The following SLC4A7 variants were observed in gnomAD, a reference collection of about 807,000 sequenced individuals.
The protein encoded by SLC4A7 is solute carrier family 4 member 7.
A neutral mutation model predicts 137.6 loss-of-function variants in SLC4A7; 51 were observed. That is an observed-to-expected ratio of 0.37 (90% CI 0.30 to 0.47). The LOEUF is 0.47. Among genes scored for constraint, SLC4A7 ranks in the 20% least tolerant of loss-of-function variants. The probability of loss-of-function intolerance (pLI) is 1.00; values close to 1 mark genes in which losing one functional copy is unlikely to be tolerated. For synonymous variants in SLC4A7, 542 were observed against 518.6 expected, an observed-to-expected ratio of 1.05 and a Z score of -0.61; for missense variants, 1,247 against 1,525.4, an observed-to-expected ratio of 0.82 and a Z score of 3.04.
At chr3:27,450,148 T>C (rs999457332) in intron 2 of SLC4A7, among the ~76,000 whole-genome samples, 1 of 152,166 alleles carries the variant, frequency 6.6e-6, no homozygotes, top group African/African-American at 2.4e-5. Flanking sequence ...ACCTCATAAA[T>C]AATCACCTTT....
At chr3:27,438,674 A>AC (rs2056951448) in intron 3 of SLC4A7, among the ~76,000 whole-genome samples, 1 of 151,232 alleles carries the variant, frequency 6.6e-6, no homozygotes, top group African/African-American at 2.4e-5. Flanking sequence ...ACATAAAATA[A>AC]AAATAACACA....
intron 13 of SLC4A7, among the ~76,000 whole-genome samples, chr3:27,408,596 A>C (rs1280136429): frequency 6.6e-6 from 1 of 152,216 alleles, no homozygotes; most frequent in African/African-American, 2.4e-5. Flanking sequence ...TGTTCTCCCA[A>C]GAATAAATAC....
intron 3 of SLC4A7, among the ~76,000 whole-genome samples, chr3:27,447,066 T>C (rs1238958951): frequency 6.6e-6 from 1 of 150,644 alleles, no homozygotes; most frequent in Non-Finnish European, 1.5e-5. Flanking sequence ...TTTTTTTTTT[T>C]CAGTAGAGAC....
intron 1 of SLC4A7, among the ~76,000 whole-genome samples, chr3:27,462,991 A>G (rs1417147453): frequency 6.6e-6 from 1 of 152,246 alleles, no homozygotes; most frequent in Non-Finnish European, 1.5e-5. Flanking sequence ...TGTCGGTAAA[A>G]TATTAAGAAA....
chr3:27,440,629 G>T (rs1032686908), intron 3 of SLC4A7, among the ~76,000 whole-genome samples: 1 of 152,086 alleles, frequency 6.6e-6, no homozygotes, highest in Non-Finnish European at 1.5e-5. Flanking sequence ...TCAGGAGGCT[G>T]AGGCAGGAGA....
chr3:27,445,513 T>C (rs925972912), intron 3 of SLC4A7, among the ~76,000 whole-genome samples: 1 of 152,116 alleles, frequency 6.6e-6, no homozygotes, highest in African/African-American at 2.4e-5. Flanking sequence ...GTTTCATATA[T>C]TTTATCTGGT....
intron 25 of SLC4A7, 108 bp from the exon 26 acceptor site, chr3:27,376,953 A>G (rs2049949997): frequency 2.4e-6 from 1 of 412,606 alleles, no homozygotes; most frequent in East Asian, 4.0e-5. Flanking sequence ...TATTAACACT[A>G]CAAACTTATG....
chr3:27,384,454 C>A (rs2050734987), intron 23 of SLC4A7, among the ~76,000 whole-genome samples: 1 of 152,074 alleles, frequency 6.6e-6, no homozygotes, highest in African/African-American at 2.4e-5. Context: ...AACAAGGAGC[C>A]CCTGATAACT....
Position 27,385,996 on chromosome 3 carries a change from G to C in SLC4A7, c.3388C>G (p.Leu1130Val). The change falls in exon 23 of 26, where the codon CTC becomes GTC. Residue 1130 changes from leucine to valine, a missense_variant. Physicochemically the swap from Leu to Val is conservative, Grantham distance 32. This residue lies in a region of SLC4A7 where 290 missense variants were observed against 323.8 expected (regional missense o/e 0.90). Transcript: ENST00000454389. ...MVLALVFVRK[L>V]MDLCFTKREL... ...CTCTTCGTGAAACACAGGTCCATGAGTTTGCGCACAAACACTAATGCAAGA... is the reference window on the plus strand; with the variant it reads ...CTCTTCGTGAAACACAGGTCCATGACTTTGCGCACAAACACTAATGCAAGA... 6.2e-7 allele frequency: 1 copy of C among 1,608,406 alleles called. No homozygotes were observed. The highest frequency in any genetic ancestry group is 1.3e-5 in the African/African-American group (1 of 74,664).
chr3:27,430,632 C>T (rs1034073612), intron 7 of SLC4A7, among the ~76,000 whole-genome samples: 1 of 151,344 alleles, frequency 6.6e-6, no homozygotes, highest in Non-Finnish European at 1.5e-5. Flanking sequence ...AAAGTTCACC[C>T]AGCCTGGCCA....
At position 27,385,464 on chromosome 3, in the gene SLC4A7, G is replaced by A. The variant is rs180748430; in HGVS notation, c.3492+428C>T. On this transcript the variant is annotated intron_variant, in intron 23 of 25. Coordinates refer to ENST00000454389, the MANE Select transcript of SLC4A7 (RefSeq NM_001321103.2). ...CATTATGTATGCCAATTATTAAAAC[G>A]CTATTAAAATTAAATATATGCTAAA... 7.1e-3 allele frequency among the ~76,000 whole-genome samples: 1,074 copies of A among 152,072 alleles called. 8 individuals carry two copies. Among genetic ancestry groups the A allele is most frequent in the Middle Eastern group, 0.021 (6 of 292 alleles).
At chr3:27,412,453 A>T (rs1389771) in intron 11 of SLC4A7, among the ~76,000 whole-genome samples, 140,734 of 152,244 alleles carry the variant, frequency 0.92, 65,171 homozygotes, top group East Asian at 1. Flanking sequence ...CAGAGATCTG[A>T]CATCCCAGGA....
intron 13 of SLC4A7, 60 bp downstream of exon 13, chr3:27,409,296 C>G: frequency 7.9e-7 from 1 of 1,272,114 alleles, no homozygotes; most frequent in East Asian, 2.4e-5. Flanking sequence ...GAGACAAATG[C>G]ATACAGACAC....
chr3:27,456,881 G>C (rs2058443114), intron 1 of SLC4A7: 2 of 1,369,994 alleles, frequency 1.5e-6, no homozygotes, highest in South Asian at 1.9e-5. Context: ...CTTACACAGG[G>C]TCACAGCATA....
intron 1 of SLC4A7, among the ~76,000 whole-genome samples, chr3:27,456,290 T>C (rs1481248294): frequency 6.6e-6 from 1 of 152,196 alleles, no homozygotes; most frequent in Non-Finnish European, 1.5e-5. Context: ...CTCCCATAAA[T>C]TATGATGAAC....
intron 1 of SLC4A7, among the ~76,000 whole-genome samples, chr3:27,477,587 T>C (rs976356388): frequency 1.3e-5 from 2 of 152,198 alleles, no homozygotes; most frequent in African/African-American, 4.8e-5. Context: ...AAGTTTAATG[T>C]CTTTATGTAT....
intron 25 of SLC4A7, among the ~76,000 whole-genome samples, chr3:27,378,410 AAAG>A (rs1227329465): frequency 3.9e-5 from 6 of 152,210 alleles, no homozygotes; most frequent in African/African-American, 1.2e-4. Context: ...TGTACATAAA[AAAG>A]AAGAATTTTC....
At chr3:27,451,205 TAAATC>T (rs904751669) in intron 2 of SLC4A7, among the ~76,000 whole-genome samples, 4 of 151,956 alleles carry the variant, frequency 2.6e-5, no homozygotes, top group African/African-American at 2.4e-5. Context: ...ATTTACAACA[TAAATC>T]AAACTTTGTT....
intron 1 of SLC4A7, among the ~76,000 whole-genome samples, chr3:27,461,208 G>GCACACACA (rs57056562): frequency 1.4e-4 from 21 of 149,998 alleles, no homozygotes; most frequent in African/African-American, 4.7e-4. Flanking sequence ...CATCCAATTA[G>GCACACACA]CACACACACA....
Sources: allele counts gnomAD v4.1 joint callset (sites outside exome capture counted in the v4.1 genomes callset), GRCh38; gene constraint gnomAD v4.1.1; regional missense constraint gnomAD v4.1.1; transcripts MANE v1.5; gene names NCBI Gene and HGNC (gene_info 2026-07-23, HGNC 2026-07-21).